Variants in GARNL3 observed in about 807,000 individuals in gnomAD.
GARNL3 encodes the protein GTPase activating Rap/RanGAP domain like 3.
In GARNL3, 63 loss-of-function variants were observed where a neutral mutation model predicts 125.0. That is an observed-to-expected ratio of 0.50 (90% CI 0.41 to 0.62). The LOEUF (loss-of-function observed/expected upper bound fraction) is 0.62, where lower values mean the gene tolerates loss of function less well. Ranked by LOEUF, GARNL3 falls within the 20% of genes least tolerant of loss-of-function variation. GARNL3 has a pLI of 0.00. For missense variants in GARNL3, 994 were observed against 1,244.0 expected (o/e 0.80, Z 3.02); for synonymous variants, 439 against 457.5 (o/e 0.96, Z 0.52).
chr9:127,302,097 C>T (rs2064812461), intron 2 of GARNL3, among the ~76,000 whole-genome samples: 1 of 151,794 alleles, frequency 6.6e-6, no homozygotes, highest in Non-Finnish European at 1.5e-5. Context: ...CGCCTGCCAC[C>T]ACACCTGGCT....
At chr9:127,326,582 A>G (rs1004220038) in intron 7 of GARNL3, among the ~76,000 whole-genome samples, 1 of 152,204 alleles carries the variant, frequency 6.6e-6, no homozygotes, top group African/African-American at 2.4e-5. Context: ...CTACTAATAT[A>G]TAATACACCT....
rs993254118 is a variant in GARNL3, at chr9:127,266,928, T to A, written c.144+1907T>A. Among the ~76,000 whole-genome samples the A allele has an allele frequency of 6.6e-6, 1 of 152,220 alleles. No homozygotes were observed. Among genetic ancestry groups the A allele is most frequent in the Admixed American group, 6.5e-5 (1 of 15,290 alleles). On this transcript the variant is annotated intron_variant, in intron 1 of 27. Transcript: ENST00000373387. The surrounding 1 kb of genome is among the most constrained non-coding windows in gnomAD (Gnocchi z 4.0). ...AGAATGGAAAAGTACTTGAGAGCAG[T>A]GGTTCTCAAACTTGAGCAGACATCA...
At chr9:127,310,069 T>C (rs1031457815) in intron 2 of GARNL3, among the ~76,000 whole-genome samples, 4 of 152,170 alleles carry the variant, frequency 2.6e-5, no homozygotes, top group Non-Finnish European at 5.9e-5. Context: ...AATGATAGAG[T>C]GTTCAATAAG....
At chr9:127,344,026 T>G (rs1830006420) in intron 14 of GARNL3, among the ~76,000 whole-genome samples, 1 of 152,078 alleles carries the variant, frequency 6.6e-6, no homozygotes, top group Admixed American at 6.6e-5. Context: ...TCAGCCCCCA[T>G]GCAATGCTGG....
intron 7 of GARNL3, among the ~76,000 whole-genome samples, chr9:127,328,151 C>CT (rs1460200078): frequency 1.3e-5 from 2 of 152,084 alleles, no homozygotes; most frequent in Non-Finnish European, 1.5e-5. Context: ...TCCTCCTCTG[C>CT]TTTTTTTGAA....
At chr9:127,297,454 C>CT (rs1206433678) in intron 2 of GARNL3, among the ~76,000 whole-genome samples, 8 of 152,046 alleles carry the variant, frequency 5.3e-5, no homozygotes, top group South Asian at 2.1e-4. Flanking sequence ...TTTCTTTTTT[C>CT]TTTTTTTTCT....
At chr9:127,235,132 A>G (rs1246032047) in intron 1 of GARNL3, among the ~76,000 whole-genome samples, 2 of 151,980 alleles carry the variant, frequency 1.3e-5, no homozygotes, top group African/African-American at 2.4e-5. Flanking sequence ...ACAGAATTGC[A>G]TATGTAATTT....
At chr9:127,290,702 T>G (rs1052512162) in intron 1 of GARNL3, among the ~76,000 whole-genome samples, 3 of 152,188 alleles carry the variant, frequency 2.0e-5, no homozygotes, top group African/African-American at 7.2e-5. Context: ...CTAATTGGCC[T>G]TTTGGAAACT....
chr9:127,386,325 T>C (rs1832540690), intron 24 of GARNL3, among the ~76,000 whole-genome samples: 1 of 152,386 alleles, frequency 6.6e-6, no homozygotes, highest in Non-Finnish European at 1.5e-5. Flanking sequence ...TCTACGTTTC[T>C]TGTTCATTAC....
intron 2 of GARNL3, among the ~76,000 whole-genome samples, chr9:127,292,496 G>A (rs1397363191): frequency 2.0e-5 from 3 of 152,184 alleles, no homozygotes; most frequent in African/African-American, 4.8e-5. Flanking sequence ...CCACCATGCC[G>A]AGTTTCTACT....
chr9:127,387,700 G>A (rs1302168812), intron 25 of GARNL3, among the ~76,000 whole-genome samples: 5 of 145,636 alleles, frequency 3.4e-5, no homozygotes, highest in Admixed American at 1.4e-4. Context: ...CCGAGAGCAC[G>A]CCATTGCACT....
At chr9:127,234,792 G>A (rs2063081044) in intron 1 of GARNL3, among the ~76,000 whole-genome samples, 3 of 152,194 alleles carry the variant, frequency 2.0e-5, no homozygotes, top group Admixed American at 6.5e-5. Context: ...GTGTCCTCAT[G>A]TGGTAGAAAA....
chr9:127,225,625 T>A (rs1184792276), intron 1 of GARNL3, among the ~76,000 whole-genome samples: 1 of 151,014 alleles, frequency 6.6e-6, no homozygotes, highest in African/African-American at 2.4e-5. Context: ...GAAGCGTCGG[T>A]CCAGTGGCAG....
At chr9:127,292,034 A>C (rs1346376126) in intron 2 of GARNL3, among the ~76,000 whole-genome samples, 1 of 152,064 alleles carries the variant, frequency 6.6e-6, no homozygotes, top group African/African-American at 2.4e-5. Flanking sequence ...AGTGCTAGTT[A>C]TGATGCTATT....
At chr9:127,328,006 A>C (rs2065626385) in intron 7 of GARNL3, among the ~76,000 whole-genome samples, 2 of 152,296 alleles carry the variant, frequency 1.3e-5, no homozygotes, top group South Asian at 2.1e-4. Flanking sequence ...GAGTGCATGC[A>C]CATGCCTGTT....
intron 21 of GARNL3, chr9:127,361,650 G>A (rs997467346): frequency 1.3e-5 from 2 of 152,344 alleles, no homozygotes; most frequent in South Asian, 2.1e-4. Flanking sequence ...GTCCAAGCCT[G>A]TTTCTGAATC....
rs967070200 is a variant in GARNL3, at chr9:127,389,063, C to T, written c.2687C>T (p.Ser896Phe). 7 of 1,614,202 alleles carry T rather than the reference C, an allele frequency of 4.3e-6. No homozygotes were observed. Among genetic ancestry groups the T allele is most frequent in the African/African-American group, 1.3e-5 (1 of 75,050 alleles). Residue 896 changes from serine to phenylalanine, a missense_variant, in exon 26 of 28, where the codon TCC (serine) becomes TTC (phenylalanine). By Grantham distance (155) the Ser-to-Phe change is radical. Coordinates refer to ENST00000373387, the MANE Select transcript of GARNL3 (RefSeq NM_032293.5). The part of the protein sequence containing the change: ...LAAIPVTHSL[S>F]LSRMEIKEIA... ...GCCATTCCAGTCACGCACTCCTTGT[C>T]CCTGTCTCGCATGGAGATCAAAGAA...
At chr9:127,382,605 CTG>C (rs1832326052) in intron 22 of GARNL3, among the ~76,000 whole-genome samples, 2 of 152,184 alleles carry the variant, frequency 1.3e-5, no homozygotes, top group Admixed American at 1.3e-4. Flanking sequence ...GAACAAGACT[CTG>C]TCTCCAAAAA....
At chr9:127,354,168 T>C (rs1830558665) in intron 18 of GARNL3, 126 bp from the exon 19 acceptor site, 1 of 730,388 alleles carries the variant, frequency 1.4e-6, no homozygotes, top group African/African-American at 1.8e-5. Flanking sequence ...TAAAGTGGTG[T>C]GGGGTGCCTC....
Sources: allele counts gnomAD v4.1 joint callset (sites outside exome capture counted in the v4.1 genomes callset), GRCh38; gene constraint gnomAD v4.1.1; non-coding constraint Gnocchi (gnomAD v3.1); transcripts MANE v1.5; gene names NCBI Gene and HGNC (gene_info 2026-07-23, HGNC 2026-07-21).